The following ZNF485 variants were observed in gnomAD, a reference collection of about 807,000 sequenced individuals.
ZNF485 encodes the protein Zinc finger protein 93 (Zinc finger protein HTF34).
Under a neutral mutation model 10.8 loss-of-function variants are expected in ZNF485, and 9 were observed. The ratio of observed to expected loss-of-function variants is 0.83; its 90% CI spans 0.50 to 1.45. ZNF485 has a LOEUF of 1.45. Among genes scored for constraint, ZNF485 ranks in the 40% most tolerant of loss-of-function variants. The probability of loss-of-function intolerance (pLI) is 0.00; values close to 1 mark genes in which losing one functional copy is unlikely to be tolerated. For synonymous variants in ZNF485, 187 were observed against 181.0 expected (o/e 1.03, Z -0.27); for missense variants, 487 against 528.0 (o/e 0.92, Z 0.76).
chr10:43,617,331 A>G lies in ZNF485; in HGVS notation c.1288A>G (p.Lys430Glu). The G allele has an allele frequency of 3.8e-6, 6 of 1,568,596 alleles. No homozygotes were observed. The highest frequency in any genetic ancestry group is 5.2e-6 in the Non-Finnish European group (6 of 1,162,582). Residue 430 changes from lysine (K) to glutamate (E), a missense_variant, in exon 5 of 5, where the codon AAA becomes GAA. Lys to Glu is a moderately conservative substitution (Grantham distance 56, BLOSUM62 1). Transcript: ENST00000361807. ...AAGTTCAGCCCTTAAGCAACATAAG[A>G]AAATTCATAATAAAGAAAGAGCCAT... ...PRSSALKQHK[K>E]IHNKERAMKC...
In ZNF485 at chr10:43,616,588, G is replaced by C; in HGVS notation, c.545G>C (p.Gly182Ala). ...TTAAATCACCATAAGGTTCATGCAG[G>C]CAAACAGCCTTATAGATGTATTGAA... is the stretch of plus-strand genomic sequence containing the variant. Reference protein sequence around the residue: ...SLLNHHKVHAGKQPYRCIECG... With the variant: ...SLLNHHKVHAAKQPYRCIECG... The change falls in exon 5 of 5, where the codon GGC becomes GCC. Residue 182 changes from glycine (G) to alanine (A), a missense_variant. Gly to Ala is a moderately conservative substitution (Grantham distance 60). Coordinates refer to ENST00000361807, the MANE Select transcript of ZNF485 (RefSeq NM_145312.4). 6.2e-7 allele frequency: 1 copy of C among 1,614,204 alleles called. No individual in the cohort carries two copies.
At chr10:43,612,714 T>G (rs913727932) in intron 4 of ZNF485, among the ~76,000 whole-genome samples, 4 of 152,204 alleles carry the variant, frequency 2.6e-5, no homozygotes, top group African/African-American at 9.6e-5. Context: ...GATTTCTTAC[T>G]TTGTCTTTTT....
chr10:43,613,046 T>C (rs373814360), intron 4 of ZNF485, among the ~76,000 whole-genome samples: 2 of 152,214 alleles, frequency 1.3e-5, no homozygotes, highest in African/African-American at 4.8e-5. Flanking sequence ...ATTTGTGTTT[T>C]GATTTCTGTG....
chr10:43,610,742 T>C (rs1053337585), intron 4 of ZNF485, among the ~76,000 whole-genome samples: 1 of 152,224 alleles, frequency 6.6e-6, no homozygotes, highest in African/African-American at 2.4e-5. Context: ...TTTGTGTGTG[T>C]ATATTTCCCT....
Position 43,608,690 on chromosome 10 carries a change from C to T in ZNF485, c.101C>T (p.Ala34Val). 2 of 1,614,078 alleles carry T rather than the reference C, an allele frequency of 1.2e-6. No individual in the cohort carries two copies. Among genetic ancestry groups the T allele is most frequent in the Non-Finnish European group, 1.7e-6 (2 of 1,180,002 alleles). The change falls in exon 3 of 5, where the codon GCC (alanine) becomes GTC (valine). Residue 34 changes from alanine (A) to valine (V), a missense_variant. By Grantham distance (64) the Ala-to-Val change is moderately conservative (BLOSUM62 0). Coordinates refer to ENST00000361807, the MANE Select transcript of ZNF485 (RefSeq NM_145312.4). ...AGACACCTGGATGCTGCTCAGCGGG[C>T]CCTGTACAGGGATGTGATGCTGGAG... is the stretch of plus-strand genomic sequence containing the variant. ...EWRHLDAAQR[A>V]LYRDVMLENY...
chr10:43,607,782 A>G (rs17447133), intron 2 of ZNF485, among the ~76,000 whole-genome samples: 7,248 of 152,142 alleles, frequency 0.048, 202 homozygotes, highest in Non-Finnish European at 0.055. Context: ...AGGCTTACTC[A>G]TTTTTTCTTT....
Position 43,617,454 on chromosome 10 carries a change from C to G in ZNF485, c.*85C>G. 7 of 973,838 alleles carry G rather than the reference C, an allele frequency of 7.2e-6. No individual in the cohort carries two copies. The highest frequency in any genetic ancestry group is 1.1e-5 in the Non-Finnish European group (7 of 659,444). 60.3% of individuals were successfully genotyped at this position (973,838 alleles called of 1,614,324 possible). ...AAATTATGCATTTAACAGAAATACT[C>G]TGTACTTCTGAGAGAACACATCACT... is the stretch of plus-strand genomic sequence containing the variant. On this transcript the variant is annotated 3_prime_UTR_variant, in exon 5 of 5. Transcript: ENST00000361807.
intron 4 of ZNF485, among the ~76,000 whole-genome samples, chr10:43,615,287 A>G (rs890525228): frequency 5.9e-5 from 9 of 152,152 alleles, no homozygotes; most frequent in Non-Finnish European, 1.3e-4. Context: ...GTTTGGCTCT[A>G]TTAGTTTTTC....
intron 2 of ZNF485, 143 bp from the exon 3 acceptor site, chr10:43,608,471 C>G (rs1056524297): frequency 4.8e-6 from 5 of 1,051,958 alleles, no homozygotes; most frequent in Non-Finnish European, 6.8e-6. Context: ...GTCGCACATC[C>G]CCTGAGCCCT....
chr10:43,608,757 C>T lies in ZNF485; in HGVS notation c.151+17C>T, dbSNP rs1199239994. On this transcript the variant is annotated intron_variant, in intron 3 of 4. Coordinates refer to ENST00000361807, the MANE Select transcript of ZNF485 (RefSeq NM_145312.4). ...TGTCTGTGGGTGAGGATGGCTTTCT[C>T]CTTGACTCAGGATTGGTCTGCTGGG... 3.1e-6 allele frequency: 5 copies of T among 1,612,884 alleles called. No individual in the cohort carries two copies. Among genetic ancestry groups the T allele is most frequent in the East Asian group, 4.5e-5 (2 of 44,852 alleles).
At chr10:43,611,326 C>T (rs1838763780) in intron 4 of ZNF485, among the ~76,000 whole-genome samples, 2 of 152,038 alleles carry the variant, frequency 1.3e-5, no homozygotes, top group African/African-American at 4.8e-5. Context: ...CCTCAGTTTC[C>T]TAAAGTACTG....
At chr10:43,607,748 T>C (rs948181300) in intron 2 of ZNF485, among the ~76,000 whole-genome samples, 5 of 152,252 alleles carry the variant, frequency 3.3e-5, no homozygotes. Flanking sequence ...TAATTTCATT[T>C]GAAACACACT....
Position 43,608,605 on chromosome 10 carries a change from G to T in ZNF485, c.25-9G>T. 1.2e-6 allele frequency: 2 copies of T among 1,610,336 alleles called. No individual in the cohort carries two copies. Among genetic ancestry groups the T allele is most frequent in the Non-Finnish European group, 1.7e-6 (2 of 1,177,906 alleles). Reference sequence around the variant, plus strand: ...TCCCGGATGAGCAGAATTGGGTTTGGTTTTGCAGGGACCGCTGACATTTGG... The same window carrying T: ...TCCCGGATGAGCAGAATTGGGTTTGTTTTTGCAGGGACCGCTGACATTTGG... On this transcript the variant is annotated splice_polypyrimidine_tract_variant and intron_variant, in intron 2 of 4. Coordinates refer to ENST00000361807, the MANE Select transcript of ZNF485 (RefSeq NM_145312.4).
Position 43,616,768 on chromosome 10 carries a change from A to G in ZNF485, c.725A>G (p.Tyr242Cys), listed in dbSNP as rs1395456796. 1 of 1,613,986 alleles carries G rather than the reference A, an allele frequency of 6.2e-7. No homozygotes were observed. Among genetic ancestry groups the G allele is most frequent in the African/African-American group, 1.3e-5 (1 of 74,954 alleles). ...HQRIHTGQKPYKCNDCGKAFA... is the reference protein window; with the variant it reads ...HQRIHTGQKPCKCNDCGKAFA... ...AGAATTCATACTGGCCAGAAACCCT[A>G]CAAATGTAATGACTGTGGGAAAGCC... Residue 242 changes from tyrosine to cysteine, a missense_variant, in exon 5 of 5, where the codon TAC becomes TGC. Transcript: ENST00000361807.
Position 43,616,357 on chromosome 10 carries a change from T to C in ZNF485, c.314T>C (p.Leu105Pro), listed in dbSNP as rs780687139. The part of the protein sequence containing the change: ...LKQSTSEASV[L>P]GERTKSVMME... ...CAAAGCACTTCTGAAGCATCTGTTC[T>C]GGGAGAGCGAACGAAAAGTGTCATG... Residue 105 changes from leucine (L) to proline (P), a missense_variant, in exon 5 of 5, where the codon CTG becomes CCG. By Grantham distance (98) the Leu-to-Pro change is moderately conservative. Transcript: ENST00000361807. 1.9e-6 allele frequency: 3 copies of C among 1,613,908 alleles called. No individual in the cohort carries two copies. Among genetic ancestry groups the C allele is most frequent in the Non-Finnish European group, 2.5e-6 (3 of 1,179,944 alleles).
In ZNF485 at chr10:43,617,046, T is replaced by TGG; in HGVS notation, c.1003_1004insGG (p.Phe335TrpfsTer105). ...TCACTGCAGTAAATGTGGAAAATCT[T>TGG]TCAGGTATAGCTCATCCTTTGCTGG... On this transcript the variant is annotated frameshift_variant, in exon 5 of 5. Coordinates refer to ENST00000361807, the MANE Select transcript of ZNF485 (RefSeq NM_145312.4). LOFTEE classifies it low-confidence loss of function (END_TRUNC). 1 of 1,614,152 alleles carries TGG rather than the reference T, an allele frequency of 6.2e-7. No homozygotes were observed. Among genetic ancestry groups the TGG allele is most frequent in the Non-Finnish European group, 8.5e-7 (1 of 1,179,990 alleles).
chr10:43,609,481 C>T (rs1201261458), intron 4 of ZNF485, 131 bp downstream of exon 4: 2 of 655,036 alleles, frequency 3.1e-6, no homozygotes, highest in Non-Finnish European at 5.1e-6. Context: ...ATGTCATCCT[C>T]CTGTCAAGTG....
intron 4 of ZNF485, 39 bp downstream of exon 4, chr10:43,609,389 A>G (rs1311411597): frequency 6.6e-7 from 1 of 1,515,408 alleles, no homozygotes; most frequent in East Asian, 2.3e-5. Flanking sequence ...AGCTGAGCAC[A>G]CGGAGCAGTA....
At chr10:43,607,883 C>T (rs1838683597) in intron 2 of ZNF485, among the ~76,000 whole-genome samples, 1 of 152,150 alleles carries the variant, frequency 6.6e-6, no homozygotes, top group African/African-American at 2.4e-5. Flanking sequence ...GCCCTGGGAC[C>T]TTGAGCAAGT....
Sources: gnomAD v4.1 joint callset for allele counts (sites outside exome capture counted in the v4.1 genomes callset) on GRCh38, gnomAD v4.1.1 for gene constraint, MANE v1.5 for transcripts, NCBI Gene and HGNC (gene_info 2026-07-23, HGNC 2026-07-21) for gene names.